ERC2: variants seen among roughly 807,000 people sequenced by gnomAD.
The protein encoded by ERC2 is ERC protein 2.
ERC2 carries 42 observed loss-of-function variants against 114.8 expected under a neutral mutation model. The ratio of observed to expected loss-of-function variants is 0.37; its 90% CI spans 0.29 to 0.47. The LOEUF is 0.47. ERC2 is among the 20% of genes least tolerant of loss of function. The pLI is 0.99. For missense variants in ERC2, 939 were observed against 1,150.7 expected (o/e 0.82, Z 2.66); for synonymous variants, 454 against 425.5 (o/e 1.07, Z -0.82).
chr3:55,687,460 A>C (rs569226081), intron 16 of ERC2, among the ~76,000 whole-genome samples: 3 of 152,098 alleles, frequency 2.0e-5, no homozygotes, highest in African/African-American at 4.8e-5. Context: ...TTAAGTTCCT[A>C]ATGGGGATCT....
intron 17 of ERC2, among the ~76,000 whole-genome samples, chr3:55,643,966 G>A (rs188557661): frequency 6.6e-6 from 1 of 152,160 alleles, no homozygotes; most frequent in African/African-American, 2.4e-5. Context: ...GGGATGCTAG[G>A]GCTAGTTAAA....
rs185801132 is a variant in ERC2 at position 55,632,434 on chromosome 3, G to A, written c.*39+51360C>T. ...AGGAATCTGGTCTTAATTCACTGCT[G>A]GAAGGCTGTCAGGCTCTGGGAAACC... On this transcript the variant is annotated intron_variant, in intron 17 of 17. Coordinates refer to ENST00000288221, the MANE Select transcript of ERC2 (RefSeq NM_015576.3). Among the ~76,000 whole-genome samples the A allele has an allele frequency of 2.5e-3, 384 of 152,272 alleles. 1 individual carries two copies. The highest frequency in any genetic ancestry group is 8.9e-3 in the African/African-American group (371 of 41,560).
intron 2 of ERC2, among the ~76,000 whole-genome samples, chr3:56,405,676 TGAA>T (rs1298512791): frequency 6.6e-6 from 1 of 152,088 alleles, no homozygotes; most frequent in Non-Finnish European, 1.5e-5. Flanking sequence ...GATAGATAGA[TGAA>T]GAAATAGATT....
intron 17 of ERC2, among the ~76,000 whole-genome samples, chr3:55,667,779 A>G (rs1231239968): frequency 6.6e-6 from 1 of 152,214 alleles, no homozygotes; most frequent in African/African-American, 2.4e-5. Flanking sequence ...TGGACCCTAG[A>G]GAGTTTACGA....
rs183628341 is a variant in ERC2, at chr3:55,907,953, G to A, written c.2404-19404C>T. 5.3e-5 allele frequency among the ~76,000 whole-genome samples: 8 copies of A among 152,272 alleles called. No homozygotes were observed. The East Asian group carries it at 1.5e-3, about 29-fold the overall frequency. On this transcript the variant is annotated intron_variant, in intron 13 of 17. Transcript: ENST00000288221. ...AGAGGCAGACAGGGAGGAGCAGAGT[G>A]TTAGAGGCAAAAACAAAGAGGGGAC...
At chr3:56,407,991 C>G (rs991643452) in intron 2 of ERC2, among the ~76,000 whole-genome samples, 2 of 152,176 alleles carry the variant, frequency 1.3e-5, no homozygotes, top group Admixed American at 1.3e-4. Context: ...TAGCACAAAG[C>G]CAAAGGAGGT....
At chr3:56,328,679 AG>A in intron 2 of ERC2, among the ~76,000 whole-genome samples, 1 of 152,158 alleles carries the variant, frequency 6.6e-6, no homozygotes, top group Non-Finnish European at 1.5e-5. Context: ...CTACTTTGAG[AG>A]GGAGATATTA....
intron 10 of ERC2, 123 bp downstream of exon 10, chr3:56,007,058 A>G (rs928591888): frequency 2.4e-6 from 2 of 822,524 alleles, no homozygotes; most frequent in African/African-American, 3.5e-5. Flanking sequence ...TATTTAATTA[A>G]TTCTTTTATC....
intron 2 of ERC2, among the ~76,000 whole-genome samples, chr3:56,342,529 C>A (rs2058128831): frequency 1.3e-5 from 2 of 152,200 alleles, no homozygotes; most frequent in South Asian, 4.1e-4. Context: ...GAACCCATGT[C>A]AAATCCTTGA....
At chr3:56,348,864 A>G (rs73832598) in intron 2 of ERC2, among the ~76,000 whole-genome samples, 30 of 127,514 alleles carry the variant, frequency 2.4e-4, no homozygotes, top group African/African-American at 9.8e-4. Flanking sequence ...CACCAAAATG[A>G]AAGAAAGGAA....
intron 6 of ERC2, among the ~76,000 whole-genome samples, chr3:56,081,824 T>C (rs1462780510): frequency 6.6e-6 from 1 of 152,146 alleles, no homozygotes; most frequent in Non-Finnish European, 1.5e-5. Context: ...ACCATCAGAA[T>C]ACCATTTTGA....
chr3:55,630,624 C>G (rs1217080219), intron 17 of ERC2, among the ~76,000 whole-genome samples: 2 of 152,204 alleles, frequency 1.3e-5, no homozygotes, highest in African/African-American at 4.8e-5. Flanking sequence ...CTGAGACCTC[C>G]TCATGTGTCT....
At position 56,030,024 on chromosome 3, in the gene ERC2, A is replaced by G. The variant is rs897492412; in HGVS notation, c.1642-10993T>C. On this transcript the variant is annotated intron_variant, in intron 7 of 17. Coordinates refer to ENST00000288221, the MANE Select transcript of ERC2 (RefSeq NM_015576.3). ...TTTGATATTTTGTGTTTTTCTTTTC[A>G]TTCAGTTTCATGTATGTTTTTCCTT... Among the ~76,000 whole-genome samples, 5 of 152,110 alleles carry G rather than the reference A, an allele frequency of 3.3e-5. No individual in the cohort carries two copies. The South Asian group carries it at 1.0e-3, about 32-fold the overall frequency.
At chr3:55,912,879 G>A (rs974182730) in intron 13 of ERC2, among the ~76,000 whole-genome samples, 1 of 152,162 alleles carries the variant, frequency 6.6e-6, no homozygotes, top group Non-Finnish European at 1.5e-5. Context: ...AGGACCCAGA[G>A]GAACACTGAG....
At chr3:55,520,950 CAG>C (rs2052887261) in intron 17 of ERC2, among the ~76,000 whole-genome samples, 1 of 152,116 alleles carries the variant, frequency 6.6e-6, no homozygotes, top group South Asian at 2.1e-4. Flanking sequence ...GAAAAGGAGC[CAG>C]AGAGAGGCAT....
chr3:56,001,963 C>T (rs12631548), intron 10 of ERC2, among the ~76,000 whole-genome samples: 26,561 of 151,980 alleles, frequency 0.17, 2,485 homozygotes, highest in East Asian at 0.38. Flanking sequence ...CTCCACTGTC[C>T]TGAGCCTGCT....
At chr3:56,122,324 C>G (rs373844976) in intron 6 of ERC2, among the ~76,000 whole-genome samples, 19 of 152,124 alleles carry the variant, frequency 1.2e-4, no homozygotes, top group Non-Finnish European at 2.6e-4. Flanking sequence ...CACTTACATA[C>G]AGCATTTAAA....
intron 14 of ERC2, among the ~76,000 whole-genome samples, chr3:55,884,871 T>C (rs892349165): frequency 6.6e-6 from 1 of 152,160 alleles, no homozygotes; most frequent in Non-Finnish European, 1.5e-5. Flanking sequence ...TGCTGGTTTA[T>C]ATTAATTTTA....
At chr3:55,931,139 T>C (rs1234515697) in intron 13 of ERC2, among the ~76,000 whole-genome samples, 1 of 152,208 alleles carries the variant, frequency 6.6e-6, no homozygotes, top group Non-Finnish European at 1.5e-5. Context: ...TAGGGAGGCT[T>C]TTACACTGTT....
Sources: allele counts gnomAD v4.1 joint callset (sites outside exome capture counted in the v4.1 genomes callset), GRCh38; gene constraint gnomAD v4.1.1; transcripts MANE v1.5; gene names NCBI Gene and HGNC (gene_info 2026-07-23, HGNC 2026-07-21).